FDFT1: variants seen among roughly 807,000 people sequenced by gnomAD.
FDFT1 encodes farnesyl-diphosphate farnesyltransferase 1, also known as squalene synthase.
A neutral mutation model predicts 46.8 loss-of-function variants in FDFT1; 68 were observed. The observed-to-expected ratio is 1.45, with a 90% CI of 1.19 to 1.78. The LOEUF (loss-of-function observed/expected upper bound fraction) is 1.78, where lower values mean the gene tolerates loss of function less well. FDFT1 is among the 40% of genes most tolerant of loss of function. FDFT1 has a pLI of 0.00. For synonymous variants in FDFT1, 351 were observed against 185.1 expected, an observed-to-expected ratio of 1.90 and a Z score of -7.28; for missense variants, 928 against 524.4, an observed-to-expected ratio of 1.77 and a Z score of -7.52.
intron 3 of FDFT1, among the ~76,000 whole-genome samples, chr8:11,810,473 C>G (rs956551006): frequency 2.0e-5 from 3 of 152,214 alleles, no homozygotes; most frequent in African/African-American, 7.2e-5. Context: ...CTTTGTGTCT[C>G]CGTCTCCTCG....
intron 6 of FDFT1, 118 bp from the exon 7 acceptor site, chr8:11,831,381 TTTTCTTGAGCGATTCCATC>T (rs1404313576): frequency 1.4e-6 from 1 of 696,446 alleles, no homozygotes; most frequent in African/African-American, 1.8e-5. Context: ...CGTGGGTATT[TTTTCTTGAGCGATTCCATC>T]TTAGTTGATT....
chr8:11,802,384 G>T (rs1001711498), upstream of FDFT1: 1 of 455,760 alleles, frequency 2.2e-6, no homozygotes, highest in Admixed American at 2.4e-5. Context: ...GCGGACCACC[G>T]TTGGGCTCCT....
At chr8:11,816,872 C>G (rs540178192) in intron 3 of FDFT1, among the ~76,000 whole-genome samples, 17 of 152,194 alleles carry the variant, frequency 1.1e-4, no homozygotes, top group African/African-American at 3.9e-4. Flanking sequence ...TTTCTCTTGC[C>G]TGATTATCCT....
upstream of FDFT1, chr8:11,802,465 A>G (rs1020420266): frequency 8.5e-6 from 4 of 468,208 alleles, no homozygotes; most frequent in African/African-American, 7.9e-5. Context: ...GGTAAGCGGA[A>G]GAAAACAAAG....
At position 11,830,535 on chromosome 8, in the gene FDFT1, C is replaced by G; in HGVS notation, c.879+115C>G. The stretch of plus-strand genomic sequence containing the variant: ...ATGATTCCTTAAAAAGACGATGACT[C>G]CAGTTTATTACGCTGGGAGTTTCAT... On this transcript the variant is annotated intron_variant, in intron 6 of 7. Transcript: ENST00000220584. The G allele has an allele frequency of 8.1e-6, 6 of 745,086 alleles. No individual in the cohort carries two copies. The South Asian group carries it at 1.0e-4, about 13-fold the overall frequency. The allele number at this position is 745,086 out of a possible 1,614,324, so 46.2% of individuals were successfully genotyped here.
At chr8:11,814,594 T>A (rs1283873405) in intron 3 of FDFT1, among the ~76,000 whole-genome samples, 1 of 152,218 alleles carries the variant, frequency 6.6e-6, no homozygotes, top group African/African-American at 2.4e-5. Context: ...TTTGCTAACC[T>A]ATAAACAATT....
At chr8:11,827,588 ATAT>A (rs1810175454) in intron 5 of FDFT1, among the ~76,000 whole-genome samples, 2 of 152,244 alleles carry the variant, frequency 1.3e-5, no homozygotes, top group Admixed American at 1.3e-4. Context: ...CATATTCCTA[ATAT>A]TAAAAAAAAC....
chr8:11,816,228 T>TA (rs1808428063), intron 3 of FDFT1, among the ~76,000 whole-genome samples: 3 of 152,228 alleles, frequency 2.0e-5, no homozygotes, highest in African/African-American at 7.2e-5. Flanking sequence ...TTGGTGTACA[T>TA]ATCTGTTTTG....
At chr8:11,808,545 G>C in intron 1 of FDFT1, 1 of 1,361,112 alleles carries the variant, frequency 7.3e-7, no homozygotes. Context: ...CGGCACCAAG[G>C]CCATGGCCCT....
intron 1 of FDFT1, chr8:11,808,278 C>T (rs982725261): frequency 8.2e-7 from 1 of 1,219,758 alleles, no homozygotes; most frequent in Non-Finnish European, 1.0e-6. Flanking sequence ...GCGAGCCGCT[C>T]GGAAGTGCGC....
chr8:11,817,159 T>G (rs1397919992), intron 3 of FDFT1, among the ~76,000 whole-genome samples: 1 of 152,220 alleles, frequency 6.6e-6, no homozygotes, highest in East Asian at 1.9e-4. Context: ...TCTGTTTATG[T>G]GATGGATGAT....
chr8:11,831,745 T>C (rs1810835763), intron 7 of FDFT1, 75 bp downstream of exon 7: 10 of 1,239,694 alleles, frequency 8.1e-6, no homozygotes, highest in Non-Finnish European at 1.2e-5. Flanking sequence ...TTAACCAGGT[T>C]TGGATATTAG....
chr8:11,819,804 T>C (rs994127893), intron 3 of FDFT1, among the ~76,000 whole-genome samples: 1 of 152,142 alleles, frequency 6.6e-6, no homozygotes, highest in African/African-American at 2.4e-5. Flanking sequence ...CTGCTTTAGC[T>C]TGGAGAAGTT....
chr8:11,808,287 G>T (rs1585873808), intron 1 of FDFT1: 7 of 1,222,770 alleles, frequency 5.7e-6, no homozygotes, highest in Admixed American at 4.3e-5. Context: ...TCGGAAGTGC[G>T]CTGGGTTCCC....
intron 5 of FDFT1, among the ~76,000 whole-genome samples, chr8:11,829,048 C>T (rs1436424809): frequency 1.3e-5 from 2 of 152,180 alleles, no homozygotes; most frequent in Non-Finnish European, 2.9e-5. Context: ...GTTCATACAG[C>T]AGCTCGAACC....
At chr8:11,803,424 C>G in intron 1 of FDFT1, 2 of 1,288,154 alleles carry the variant, frequency 1.6e-6, no homozygotes, top group South Asian at 1.2e-5. Context: ...TCGCTTCATC[C>G]TCGGTGCTTC....
intron 3 of FDFT1, among the ~76,000 whole-genome samples, chr8:11,810,280 A>G (rs889821022): frequency 1.3e-5 from 2 of 152,188 alleles, no homozygotes; most frequent in Non-Finnish European, 1.5e-5. Flanking sequence ...CTAGCTCACA[A>G]AAGCCTGCCG....
upstream of FDFT1, among the ~76,000 whole-genome samples, chr8:11,799,020 C>G (rs1272994863): frequency 6.6e-6 from 1 of 152,184 alleles, no homozygotes; most frequent in Admixed American, 6.5e-5. Flanking sequence ...ACATATTTAA[C>G]AGATTACAAG....
At position 11,808,796 on chromosome 8, in the gene FDFT1, C is replaced by T. The variant is rs1402042820; in HGVS notation, c.102C>T (p.Asp34=). 2 of 1,613,694 alleles carry T rather than the reference C, an allele frequency of 1.2e-6. No individual in the cohort carries two copies. Among genetic ancestry groups the T allele is most frequent in the Admixed American group, 3.3e-5 (2 of 59,974 alleles). ...CCGTGTGTGTTGTCTGCCCGCAGGA[C>T]TCGCTCAGCAGCAGCCTGAAAACTT... is the stretch of plus-strand genomic sequence containing the variant. ...KRKVMPKMDQ[D]SLSSSLKTCY... The change falls in exon 2 of 8, where the codon GAC becomes GAT. Residue 34 remains aspartate, a splice_region_variant and synonymous_variant. Coordinates refer to ENST00000220584, the MANE Select transcript of FDFT1 (RefSeq NM_004462.5).
Sources: allele counts gnomAD v4.1 joint callset (sites outside exome capture counted in the v4.1 genomes callset), GRCh38; gene constraint gnomAD v4.1.1; transcripts MANE v1.5; gene names NCBI Gene and HGNC (gene_info 2026-07-23, HGNC 2026-07-21).